Variants in MET observed in about 807,000 individuals in gnomAD.
MET encodes the protein hepatocyte growth factor receptor.
In MET, 48 loss-of-function variants were observed where a neutral mutation model predicts 133.1. The ratio of observed to expected loss-of-function variants is 0.36; its 90% CI spans 0.29 to 0.46. MET has a LOEUF of 0.46. MET is among the 20% of genes least tolerant of loss of function. The pLI is 1.00. For synonymous variants in MET, 628 were observed against 616.5 expected, an observed-to-expected ratio of 1.02 and a Z score of -0.28; for missense variants, 1,442 against 1,695.9, an observed-to-expected ratio of 0.85 and a Z score of 2.63.
chr7:116,747,341 A>T (rs929676819), intron 5 of MET, among the ~76,000 whole-genome samples: 57 of 152,276 alleles, frequency 3.7e-4, no homozygotes, highest in African/African-American at 1.3e-3. Flanking sequence ...CAAATTGGAT[A>T]AAGAGTCAAG....
Position 116,723,767 on chromosome 7 carries a change from TG to T in MET, c.1201-7895del, listed in dbSNP as rs571856829. Among the ~76,000 whole-genome samples the T allele has an allele frequency of 2.8e-3, 427 of 152,278 alleles. 4 individuals are homozygous for T. The highest frequency in any genetic ancestry group is 0.021 in the South Asian group (101 of 4,820). Reference sequence around the variant, plus strand: ...GTGTGAGGTGTCAGTGTGCCCCTGCTGGGGGGTGCCTCCCAGTTAGGCTGCT... The same window carrying T: ...GTGTGAGGTGTCAGTGTGCCCCTGCTGGGGGTGCCTCCCAGTTAGGCTGCT... On this transcript the variant is annotated intron_variant, in intron 2 of 20. Coordinates refer to ENST00000397752, the MANE Select transcript of MET (RefSeq NM_000245.4).
intron 10 of MET, among the ~76,000 whole-genome samples, chr7:116,762,754 G>A (rs1008903515): frequency 2.0e-5 from 3 of 152,120 alleles, no homozygotes; most frequent in Non-Finnish European, 4.4e-5. Flanking sequence ...GTTCCTCCAG[G>A]TGACTGTCCT....
intron 2 of MET, among the ~76,000 whole-genome samples, chr7:116,716,325 GAGAGAGAGAGAGAA>G (rs909668625): frequency 4.4e-5 from 6 of 136,298 alleles, no homozygotes; most frequent in African/African-American, 1.7e-4. Context: ...GAGAGAGAGA[GAGAGAGAGAGAGAA>G]AAGAAACGGA....
At chr7:116,780,090 G>A (rs1487148040) in intron 17 of MET, among the ~76,000 whole-genome samples, 1 of 152,136 alleles carries the variant, frequency 6.6e-6, no homozygotes, top group East Asian at 1.9e-4. Context: ...TAGACTCGCA[G>A]TAAATAATTG....
At chr7:116,701,465 G>A (rs1029010488) in intron 2 of MET, among the ~76,000 whole-genome samples, 17 of 152,048 alleles carry the variant, frequency 1.1e-4, no homozygotes, top group African/African-American at 3.9e-4. Flanking sequence ...GAAATGTCTG[G>A]GACACTTCTC....
At chr7:116,675,949 G>C (rs1302260541) in intron 1 of MET, among the ~76,000 whole-genome samples, 1 of 152,102 alleles carries the variant, frequency 6.6e-6, no homozygotes, top group Non-Finnish European at 1.5e-5. Context: ...AAACAGGTTA[G>C]TATATTCCGC....
At chr7:116,747,631 C>T (rs1266481010) in intron 5 of MET, among the ~76,000 whole-genome samples, 3 of 152,102 alleles carry the variant, frequency 2.0e-5, no homozygotes, top group Non-Finnish European at 4.4e-5. Context: ...TAAAGCAAGT[C>T]CTTAGAGACC....
intron 18 of MET, among the ~76,000 whole-genome samples, chr7:116,782,458 T>A (rs1031587640): frequency 1.3e-5 from 2 of 152,222 alleles, no homozygotes; most frequent in African/African-American, 4.8e-5. Flanking sequence ...GGAACACAAA[T>A]ACCAACATAT....
chr7:116,685,096 T>C (rs1469985468), intron 1 of MET, among the ~76,000 whole-genome samples: 2 of 152,200 alleles, frequency 1.3e-5, no homozygotes, highest in African/African-American at 2.4e-5. Context: ...CCAGGTTTTG[T>C]GGGAGTAGAT....
At chr7:116,692,824 T>G (rs1038647344) in intron 1 of MET, among the ~76,000 whole-genome samples, 1 of 152,258 alleles carries the variant, frequency 6.6e-6, no homozygotes, top group African/African-American at 2.4e-5. Flanking sequence ...CACTTTCACC[T>G]GATATGTGCA....
chr7:116,753,526 T>C (rs144461358), intron 5 of MET, among the ~76,000 whole-genome samples: 140 of 152,256 alleles, frequency 9.2e-4, no homozygotes, highest in Non-Finnish European at 1.5e-3. Context: ...TATCAATAAA[T>C]CCATTGATAA....
intron 5 of MET, among the ~76,000 whole-genome samples, chr7:116,750,296 A>G (rs911838696): frequency 6.6e-6 from 1 of 152,226 alleles, no homozygotes; most frequent in African/African-American, 2.4e-5. Context: ...CAACCATCTG[A>G]TCTTTTACAA....
chr7:116,718,261 C>A (rs1162751638), intron 2 of MET, among the ~76,000 whole-genome samples: 1 of 151,940 alleles, frequency 6.6e-6, no homozygotes, highest in Admixed American at 6.6e-5. Context: ...TGGTGGCGGG[C>A]ACCTGTAGTC....
At chr7:116,731,282 A>C (rs1792993239) in intron 2 of MET, among the ~76,000 whole-genome samples, 1 of 152,232 alleles carries the variant, frequency 6.6e-6, no homozygotes, top group African/African-American at 2.4e-5. Context: ...ATGTCAGAAC[A>C]TGCCTCTAAC....
At chr7:116,770,932 A>G (rs958171282) in intron 12 of MET, among the ~76,000 whole-genome samples, 3 of 152,218 alleles carry the variant, frequency 2.0e-5, no homozygotes, top group African/African-American at 7.2e-5. Flanking sequence ...CAGAGTTGGA[A>G]TTTCAGAAGG....
At chr7:116,690,810 T>C (rs535674630) in intron 1 of MET, among the ~76,000 whole-genome samples, 26 of 152,340 alleles carry the variant, frequency 1.7e-4, no homozygotes, top group African/African-American at 6.0e-4. Flanking sequence ...AAACTCTTAG[T>C]ATCTAGTCAA....
chr7:116,755,334 AGTTCTATGTTGT>A lies in MET; in HGVS notation c.1702-20_1702-9del. 1 of 1,613,158 alleles carries A rather than the reference AGTTCTATGTTGT, an allele frequency of 6.2e-7. No homozygotes were observed. On this transcript the variant is annotated splice_polypyrimidine_tract_variant and intron_variant, in intron 5 of 20. Coordinates refer to ENST00000397752, the MANE Select transcript of MET (RefSeq NM_000245.4). ...TTATAATATATTGGGTTTTTTTAAAAGTTCTATGTTGTCCTTGTAGGTTTTCCCAAATAGTGC... is the reference window on the plus strand; with the variant it reads ...TTATAATATATTGGGTTTTTTTAAAACCTTGTAGGTTTTCCCAAATAGTGC...
At chr7:116,791,204 G>A (rs747926452) in intron 19 of MET, among the ~76,000 whole-genome samples, 6 of 152,188 alleles carry the variant, frequency 3.9e-5, no homozygotes, top group Non-Finnish European at 8.8e-5. Context: ...TCTCTTGGGT[G>A]AATATCTAGG....
At chr7:116,756,416 T>A (rs1794179457) in intron 6 of MET, among the ~76,000 whole-genome samples, 1 of 152,246 alleles carries the variant, frequency 6.6e-6, no homozygotes, top group Non-Finnish European at 1.5e-5. Flanking sequence ...GGTCCGAATC[T>A]ATCCATTTTA....
Sources: gnomAD v4.1 joint callset for allele counts (sites outside exome capture counted in the v4.1 genomes callset) on GRCh38, gnomAD v4.1.1 for gene constraint, MANE v1.5 for transcripts, NCBI Gene and HGNC (gene_info 2026-07-23, HGNC 2026-07-21) for gene names.